USP34: variants seen among roughly 807,000 people sequenced by gnomAD.
USP34 encodes ubiquitin carboxyl-terminal hydrolase 34.
USP34 carries 70 observed loss-of-function variants against 460.3 expected under a neutral mutation model. The observed-to-expected ratio is 0.15, with a 90% CI of 0.13 to 0.19. USP34 has a LOEUF of 0.19. USP34 is among the 10% of genes least tolerant of loss of function. The pLI is 1.00. For missense variants in USP34, 3,985 were observed against 4,236.2 expected (o/e 0.94, Z 1.65); for synonymous variants, 1,647 against 1,405.3 (o/e 1.17, Z -3.85).
At chr2:61,235,264 ACT>A (rs1370061561) in intron 57 of USP34, among the ~76,000 whole-genome samples, 1 of 151,724 alleles carries the variant, frequency 6.6e-6, no homozygotes, top group Non-Finnish European at 1.5e-5. Flanking sequence ...TATTTGGAAG[ACT>A]CTTGAATTTT....
intron 21 of USP34, among the ~76,000 whole-genome samples, chr2:61,321,366 G>C (rs1338999029): frequency 6.6e-6 from 1 of 152,126 alleles, no homozygotes; most frequent in East Asian, 1.9e-4. Flanking sequence ...AGCTGCTCGG[G>C]AGGCTGAGGC....
chr2:61,439,946 G>A (rs1038392505), intron 1 of USP34, among the ~76,000 whole-genome samples: 3 of 152,130 alleles, frequency 2.0e-5, no homozygotes, highest in Admixed American at 6.5e-5. Context: ...AGGGAGCGGA[G>A]GATGTGGGAG....
intron 30 of USP34, 38 bp downstream of exon 30, chr2:61,296,762 A>G (rs201670834): frequency 1.3e-6 from 2 of 1,588,868 alleles, no homozygotes; most frequent in Non-Finnish European, 1.7e-6. Flanking sequence ...TAAACTGGTA[A>G]CAGCCTCTAG....
At chr2:61,364,557 G>C (rs1482456042) in intron 10 of USP34, among the ~76,000 whole-genome samples, 1 of 152,066 alleles carries the variant, frequency 6.6e-6, no homozygotes, top group Non-Finnish European at 1.5e-5. Flanking sequence ...GGTGAAAATG[G>C]TAAATTTTAT....
chr2:61,232,870 C>CTTT (rs1198998742), intron 57 of USP34, among the ~76,000 whole-genome samples: 18 of 86,764 alleles, frequency 2.1e-4, no homozygotes, highest in African/African-American at 4.8e-4. Flanking sequence ...TCCCCCCCCC[C>CTTT]TTTTTTTTTT....
chr2:61,347,978 G>A lies in USP34; in HGVS notation c.2177C>T (p.Thr726Ile), dbSNP rs926985542. ...AATAGTCTCCCCAAGGAAGTCCCCA[G>A]TTCGTGTGATACAAGACTCCTGAGA... is the stretch of plus-strand genomic sequence containing the variant. ...QGSQESCITR[T>I]GDFLGETIGN... Residue 726 changes from threonine (T) to isoleucine (I), a missense_variant, in exon 15 of 80, where the codon ACT becomes ATT. Around this residue, in one of 14 missense-constraint regions of USP34, gnomAD observed 716 missense variants for 626.2 expected, o/e 1.14. Coordinates refer to ENST00000398571, the MANE Select transcript of USP34 (RefSeq NM_014709.4). 6.2e-7 allele frequency: 1 copy of A among 1,614,148 alleles called. No individual in the cohort carries two copies. The highest frequency in any genetic ancestry group is 8.5e-7 in the Non-Finnish European group (1 of 1,180,020).
intron 1 of USP34, among the ~76,000 whole-genome samples, chr2:61,450,110 G>A (rs1287339353): frequency 4.2e-5 from 6 of 143,880 alleles, no homozygotes; most frequent in South Asian, 4.4e-4. Context: ...CAAAAAAAAA[G>A]GACTGAAGTA....
At chr2:61,301,489 T>G in intron 27 of USP34, 35 bp from the exon 28 acceptor site, 4 of 1,580,248 alleles carry the variant, frequency 2.5e-6, no homozygotes, top group Non-Finnish European at 3.5e-6. Flanking sequence ...TGAATTTGTT[T>G]TTAAGAATTA....
At chr2:61,378,499 G>A (rs1315829472) in intron 7 of USP34, 75 bp from the exon 8 acceptor site, 4 of 907,806 alleles carry the variant, frequency 4.4e-6, no homozygotes, top group Non-Finnish European at 6.9e-6. Flanking sequence ...ATACTAACAT[G>A]GTAAACTGAT....
chr2:61,386,950 A>C (rs1572991364), intron 5 of USP34, among the ~76,000 whole-genome samples: 1 of 152,218 alleles, frequency 6.6e-6, no homozygotes, highest in African/African-American at 2.4e-5. Flanking sequence ...AGTGAAAAGC[A>C]ACACGAGAGT....
rs1224781026 is a variant in USP34, at chr2:61,283,394, T to C, written c.4873+15A>G. 1.8e-5 allele frequency: 28 copies of C among 1,596,004 alleles called. 1 individual carries two copies. The highest frequency in any genetic ancestry group is 2.7e-5 in the African/African-American group (2 of 73,804). The stretch of plus-strand genomic sequence containing the variant: ...AGTTTTTATTTATTAAAAGTTAACT[T>C]TGTGGAACCCTTACCTTCATGTCTA... On this transcript the variant is annotated intron_variant, in intron 36 of 79. Transcript: ENST00000398571.
At chr2:61,225,516 A>C (rs1386484751) in intron 62 of USP34, among the ~76,000 whole-genome samples, 2 of 152,108 alleles carry the variant, frequency 1.3e-5, no homozygotes, top group Non-Finnish European at 2.9e-5. Flanking sequence ...TACCAAAGTT[A>C]AATTTGTCAA....
chr2:61,242,572 G>C (rs1014503402), intron 51 of USP34, among the ~76,000 whole-genome samples: 1 of 151,530 alleles, frequency 6.6e-6, no homozygotes, highest in African/African-American at 2.4e-5. Context: ...ATTTGAATAA[G>C]AAAGAAAGGT....
chr2:61,383,359 A>G, intron 5 of USP34, 23 bp from the exon 6 acceptor site: 1 of 1,515,110 alleles, frequency 6.6e-7, no homozygotes, highest in Non-Finnish European at 9.0e-7. Flanking sequence ...CATAAAAACA[A>G]CATTAATGCC....
intron 39 of USP34, 134 bp from the exon 40 acceptor site, chr2:61,278,577 C>T (rs1263464417): frequency 1.2e-5 from 8 of 643,514 alleles, no homozygotes; most frequent in Non-Finnish European, 2.1e-5. Flanking sequence ...AAACGTAATA[C>T]ACCTACTCTT....
chr2:61,294,482 G>C (rs941906926), intron 32 of USP34, among the ~76,000 whole-genome samples: 1 of 151,794 alleles, frequency 6.6e-6, no homozygotes, highest in South Asian at 2.1e-4. Flanking sequence ...GCTGTGGTGC[G>C]ATCTCAGCTC....
At chr2:61,433,755 C>T (rs548492906) in intron 1 of USP34, among the ~76,000 whole-genome samples, 1 of 152,290 alleles carries the variant, frequency 6.6e-6, no homozygotes, top group Non-Finnish European at 1.5e-5. Flanking sequence ...AAGGAATGTG[C>T]TCCCCAACCC....
At chr2:61,309,342 G>A (rs753288432) in intron 27 of USP34, among the ~76,000 whole-genome samples, 21 of 152,108 alleles carry the variant, frequency 1.4e-4, no homozygotes, top group Non-Finnish European at 2.8e-4. Flanking sequence ...AACCAATAAC[G>A]AGAAAGGTAT....
At chr2:61,426,172 C>G (rs2103985808) in intron 1 of USP34, among the ~76,000 whole-genome samples, 1 of 152,248 alleles carries the variant, frequency 6.6e-6, no homozygotes, top group Non-Finnish European at 1.5e-5. Context: ...ACATTACCAG[C>G]TGTGGTGGCT....
Sources: allele counts gnomAD v4.1 joint callset (sites outside exome capture counted in the v4.1 genomes callset), GRCh38; gene constraint gnomAD v4.1.1; regional missense constraint gnomAD v4.1.1; transcripts MANE v1.5; gene names NCBI Gene and HGNC (gene_info 2026-07-23, HGNC 2026-07-21).